Variants in GOLM2 observed in about 807,000 individuals in gnomAD.
The protein encoded by GOLM2 is golgi membrane protein 2.
In GOLM2, 26 loss-of-function variants were observed where a neutral mutation model predicts 55.9. The observed-to-expected ratio is 0.47, with a 90% CI of 0.34 to 0.65. The LOEUF (loss-of-function observed/expected upper bound fraction) is 0.65. Among genes scored for constraint, GOLM2 ranks in the 30% least tolerant of loss-of-function variants. The probability of loss-of-function intolerance (pLI) is 0.01; values close to 1 mark genes in which losing one functional copy is unlikely to be tolerated. For missense variants in GOLM2, 486 were observed against 531.8 expected (o/e 0.91, Z 0.85); for synonymous variants, 165 against 194.6 (o/e 0.85, Z 1.27).
At chr15:44,341,079 C>CTTT (rs533432768) in intron 6 of GOLM2, among the ~76,000 whole-genome samples, 18 of 132,236 alleles carry the variant, frequency 1.4e-4, no homozygotes, top group South Asian at 2.4e-4. Context: ...ATACTTTTCT[C>CTTT]TTTTTTTTTT....
chr15:44,317,491 A>G (rs958443196), intron 1 of GOLM2, among the ~76,000 whole-genome samples: 1 of 152,268 alleles, frequency 6.6e-6, no homozygotes, highest in African/African-American at 2.4e-5. Context: ...CAAATGAAGG[A>G]ATTGGGAAAC....
intron 1 of GOLM2, among the ~76,000 whole-genome samples, chr15:44,299,671 CCT>C (rs1325603573): frequency 6.6e-6 from 1 of 151,990 alleles, no homozygotes; most frequent in Non-Finnish European, 1.5e-5. Flanking sequence ...CATTATGTTA[CCT>C]CTCCTTAAGC....
At chr15:44,326,734 C>G (rs1028454793) in intron 2 of GOLM2, among the ~76,000 whole-genome samples, 1 of 150,604 alleles carries the variant, frequency 6.6e-6, no homozygotes, top group African/African-American at 2.4e-5. Context: ...TTGCTGTAAC[C>G]TCCGCCACTC....
intron 1 of GOLM2, among the ~76,000 whole-genome samples, chr15:44,304,343 G>A (rs2141113368): frequency 7.0e-6 from 1 of 141,962 alleles, no homozygotes; most frequent in East Asian, 2.3e-4. Context: ...ACAGGTTCAA[G>A]CAATTCTCTT....
chr15:44,318,367 C>T (rs1256912070), intron 1 of GOLM2, among the ~76,000 whole-genome samples: 1 of 152,230 alleles, frequency 6.6e-6, no homozygotes, highest in African/African-American at 2.4e-5. Context: ...TCTCATCTTG[C>T]CCACTCTGGT....
At chr15:44,383,095 A>G (rs1477957784) in intron 8 of GOLM2, among the ~76,000 whole-genome samples, 1 of 150,892 alleles carries the variant, frequency 6.6e-6, no homozygotes, top group Non-Finnish European at 1.5e-5. Flanking sequence ...TTTTATTAAT[A>G]TATACACATA....
chr15:44,403,643 A>C (rs1182338903), intron 9 of GOLM2, among the ~76,000 whole-genome samples: 3 of 152,190 alleles, frequency 2.0e-5, no homozygotes, highest in Admixed American at 6.5e-5. Context: ...TTTAGAATTA[A>C]ATTGTTTAAA....
At chr15:44,367,690 G>T (rs2079295397) in intron 6 of GOLM2, among the ~76,000 whole-genome samples, 1 of 151,920 alleles carries the variant, frequency 6.6e-6, no homozygotes, top group Non-Finnish European at 1.5e-5. Flanking sequence ...AGCTACTCGT[G>T]AGGCTTGGGC....
intron 1 of GOLM2, chr15:44,307,203 A>T (rs1050684561): frequency 6.5e-6 from 1 of 153,506 alleles, no homozygotes; most frequent in African/African-American, 2.4e-5. Flanking sequence ...AACTAACATG[A>T]TACTAATTCT....
intron 1 of GOLM2, among the ~76,000 whole-genome samples, chr15:44,321,474 A>G (rs2078948462): frequency 1.3e-5 from 2 of 149,252 alleles, no homozygotes; most frequent in South Asian, 4.4e-4. Context: ...TCTCAAAAAA[A>G]AAAAAAAAAA....
At chr15:44,322,327 A>T (rs2078956093) in intron 1 of GOLM2, among the ~76,000 whole-genome samples, 1 of 152,206 alleles carries the variant, frequency 6.6e-6, no homozygotes, top group Admixed American at 6.5e-5. Flanking sequence ...AGATCGCACC[A>T]CTGCACCGCA....
chr15:44,368,822 T>C (rs2079304035), intron 6 of GOLM2, among the ~76,000 whole-genome samples: 1 of 150,904 alleles, frequency 6.6e-6, no homozygotes, highest in Non-Finnish European at 1.5e-5. Context: ...CTCCGTTTGT[T>C]TCTGTTGATT....
chr15:44,408,902 T>C (rs2079615553), intron 9 of GOLM2, among the ~76,000 whole-genome samples: 1 of 151,968 alleles, frequency 6.6e-6, no homozygotes, highest in Non-Finnish European at 1.5e-5. Context: ...AGGCGGAGCT[T>C]GCAGTGAGCC....
intron 4 of GOLM2, among the ~76,000 whole-genome samples, chr15:44,334,514 G>T (rs1040575360): frequency 1.3e-5 from 2 of 152,036 alleles, no homozygotes; most frequent in African/African-American, 4.8e-5. Context: ...GCCTGCTTTC[G>T]TACTGTTTAG....
chr15:44,319,618 G>A (rs1015502148), intron 1 of GOLM2, among the ~76,000 whole-genome samples: 1 of 151,916 alleles, frequency 6.6e-6, no homozygotes, highest in Non-Finnish European at 1.5e-5. Flanking sequence ...ACAGGGTCTC[G>A]CTCTGCCACC....
chr15:44,398,919 C>T (rs1156913830), intron 8 of GOLM2, among the ~76,000 whole-genome samples: 4 of 151,894 alleles, frequency 2.6e-5, no homozygotes, highest in African/African-American at 7.2e-5. Context: ...CCACCCACCT[C>T]GGCCTCCCAA....
chr15:44,378,457 A>G (rs1416874919), intron 6 of GOLM2, among the ~76,000 whole-genome samples: 1 of 150,328 alleles, frequency 6.7e-6, no homozygotes, highest in Non-Finnish European at 1.5e-5. Flanking sequence ...TCCCAGGTTC[A>G]AGAGATTCTT....
intron 1 of GOLM2, among the ~76,000 whole-genome samples, chr15:44,311,414 G>A (rs1189279535): frequency 6.6e-6 from 1 of 151,832 alleles, no homozygotes; most frequent in African/African-American, 2.4e-5. Context: ...ATGGCATAGT[G>A]CCTGTATTTT....
intron 1 of GOLM2, among the ~76,000 whole-genome samples, chr15:44,299,204 C>T (rs1424788680): frequency 6.6e-6 from 1 of 152,150 alleles, no homozygotes; most frequent in Non-Finnish European, 1.5e-5. Context: ...TTATGCTATT[C>T]AGTTTGTGGC....
Sources: allele counts gnomAD v4.1 joint callset (sites outside exome capture counted in the v4.1 genomes callset), GRCh38; gene constraint gnomAD v4.1.1; transcripts MANE v1.5; gene names NCBI Gene and HGNC (gene_info 2026-07-23, HGNC 2026-07-21).